Variants in NEGR1 observed in about 807,000 individuals in gnomAD.
NEGR1 encodes IgLON family member 4.
NEGR1 carries 10 observed loss-of-function variants against 40.9 expected under a neutral mutation model. The observed-to-expected ratio is 0.24, with a 90% confidence interval of 0.15 to 0.42. The LOEUF is 0.42. Ranked by LOEUF, NEGR1 falls within the 10% of genes least tolerant of loss-of-function variation. The pLI, the probability that NEGR1 is intolerant of heterozygous loss-of-function variation, is 1.00. For synonymous variants in NEGR1, 185 were observed against 166.8 expected (o/e 1.11, Z -0.84); for missense variants, 352 against 438.9 (o/e 0.80, Z 1.77).
intron 6 of NEGR1, among the ~76,000 whole-genome samples, chr1:71,502,300 A>G (rs1162231506): frequency 6.6e-6 from 1 of 152,130 alleles, no homozygotes; most frequent in African/African-American, 2.4e-5. Flanking sequence ...GGATAATGAA[A>G]CTTAGGCAAC....
At chr1:71,602,483 C>G (rs1341503718) in intron 5 of NEGR1, among the ~76,000 whole-genome samples, 1 of 151,454 alleles carries the variant, frequency 6.6e-6, no homozygotes, top group Non-Finnish European at 1.5e-5. Flanking sequence ...GATCTCCTGA[C>G]CTCGTGATCC....
chr1:71,899,064 C>T (rs1661074662), intron 2 of NEGR1, among the ~76,000 whole-genome samples: 1 of 140,876 alleles, frequency 7.1e-6, no homozygotes, highest in South Asian at 2.2e-4. Flanking sequence ...ATGCCTAGGA[C>T]TTCCATGGAA....
chr1:71,602,990 G>A lies in NEGR1; in HGVS notation c.788+8036C>T, dbSNP rs186437090. Among the ~76,000 whole-genome samples the A allele has an allele frequency of 1.6e-3, 242 of 152,084 alleles. 2 individuals carry two copies. Among genetic ancestry groups the A allele is most frequent in the African/African-American group, 5.5e-3 (227 of 41,470 alleles). On this transcript the variant is annotated intron_variant, in intron 5 of 6. Coordinates refer to ENST00000357731, the MANE Select transcript of NEGR1 (RefSeq NM_173808.3). ...GTAAGAGTTGTACTGACACCACATT[G>A]GTTATTAAAAGAAATATAATCAAAT...
At chr1:71,764,964 A>G (rs1044164288) in intron 3 of NEGR1, among the ~76,000 whole-genome samples, 4 of 152,110 alleles carry the variant, frequency 2.6e-5, no homozygotes, top group Admixed American at 6.5e-5. Context: ...AAAACCAGTG[A>G]TGACCAGCTC....
intron 4 of NEGR1, among the ~76,000 whole-genome samples, chr1:71,681,426 C>T (rs1652834159): frequency 6.6e-6 from 1 of 152,164 alleles, no homozygotes; most frequent in Non-Finnish European, 1.5e-5. Flanking sequence ...TACTATGATT[C>T]TGTCTTCTGG....
intron 2 of NEGR1, among the ~76,000 whole-genome samples, chr1:71,885,046 G>C (rs1160199126): frequency 6.6e-6 from 1 of 152,184 alleles, no homozygotes; most frequent in East Asian, 1.9e-4. Flanking sequence ...CTATAGAAGT[G>C]TTGAGTTTTT....
chr1:72,231,283 T>C (rs1199636561), intron 1 of NEGR1, among the ~76,000 whole-genome samples: 1 of 152,172 alleles, frequency 6.6e-6, no homozygotes, highest in African/African-American at 2.4e-5. Context: ...TGATTTTTCC[T>C]CCTCTTTACA....
Position 71,561,777 on chromosome 1 carries a change from G to C in NEGR1, c.940+31040C>G, listed in dbSNP as rs1288646825. Among the ~76,000 whole-genome samples, 2 of 151,562 alleles carry C rather than the reference G, an allele frequency of 1.3e-5. 1 individual carries two copies. The highest frequency in any genetic ancestry group is 3.9e-4 in the East Asian group (2 of 5,134). Reference sequence around the variant, plus strand: ...TTTTTGGGGTTGAGCAGATGGCTTAGGTGTCCTTTTAGTATCTGCTCTGCC... The same window carrying C: ...TTTTTGGGGTTGAGCAGATGGCTTACGTGTCCTTTTAGTATCTGCTCTGCC... On this transcript the variant is annotated intron_variant, in intron 6 of 6. Transcript: ENST00000357731.
chr1:71,562,983 T>G (rs867482332), intron 6 of NEGR1, among the ~76,000 whole-genome samples: 1 of 151,994 alleles, frequency 6.6e-6, no homozygotes, highest in African/African-American at 2.4e-5. Context: ...GCTATTTCAT[T>G]GGCCAAAGCA....
At chr1:72,231,520 C>G (rs1362629154) in intron 1 of NEGR1, among the ~76,000 whole-genome samples, 1 of 152,140 alleles carries the variant, frequency 6.6e-6, no homozygotes, top group Non-Finnish European at 1.5e-5. Context: ...AGTGTACTTA[C>G]AACTATAGTA....
At chr1:71,443,433 T>C (rs1646561264) in intron 6 of NEGR1, among the ~76,000 whole-genome samples, 1 of 152,262 alleles carries the variant, frequency 6.6e-6, no homozygotes, top group Non-Finnish European at 1.5e-5. Flanking sequence ...CTTTTTGTTA[T>C]ATCCACTTTT....
At chr1:72,246,955 TTA>T (rs1174928185) in intron 1 of NEGR1, among the ~76,000 whole-genome samples, 4 of 152,378 alleles carry the variant, frequency 2.6e-5, no homozygotes, top group Middle Eastern at 3.4e-3. Flanking sequence ...CCGCCAAGGC[TTA>T]TGTCTTGCAT....
chr1:71,822,680 T>C (rs1440025217), intron 2 of NEGR1, among the ~76,000 whole-genome samples: 1 of 151,982 alleles, frequency 6.6e-6, no homozygotes, highest in Non-Finnish European at 1.5e-5. Context: ...TTATTCTCAC[T>C]GGAATAGATT....
At chr1:72,068,391 T>C (rs1047505925) in intron 1 of NEGR1, among the ~76,000 whole-genome samples, 10 of 152,284 alleles carry the variant, frequency 6.6e-5, no homozygotes, top group African/African-American at 2.4e-4. Flanking sequence ...CATTACCATA[T>C]GCTTATAAAA....
At chr1:71,766,003 G>A (rs1256886227) in intron 3 of NEGR1, among the ~76,000 whole-genome samples, 1 of 152,012 alleles carries the variant, frequency 6.6e-6, no homozygotes, top group African/African-American at 2.4e-5. Context: ...GTGAAACCCC[G>A]TCTCCACTAA....
intron 1 of NEGR1, among the ~76,000 whole-genome samples, chr1:72,245,428 AT>A (rs1654872083): frequency 6.6e-6 from 1 of 152,070 alleles, no homozygotes; most frequent in South Asian, 2.1e-4. Context: ...TGCATATTCT[AT>A]TCAACTTCTG....
intron 2 of NEGR1, among the ~76,000 whole-genome samples, chr1:71,832,489 T>C (rs1658875982): frequency 6.6e-6 from 1 of 151,970 alleles, no homozygotes; most frequent in Non-Finnish European, 1.5e-5. Flanking sequence ...AGAGTGAGGG[T>C]CAGCTCTGAT....
chr1:72,219,805 A>G (rs776533768), intron 1 of NEGR1, among the ~76,000 whole-genome samples: 31 of 152,146 alleles, frequency 2.0e-4, no homozygotes, highest in Non-Finnish European at 2.8e-4. Flanking sequence ...TAAAGTTTAC[A>G]AACCAGCTAA....
intron 1 of NEGR1, among the ~76,000 whole-genome samples, chr1:72,179,071 C>G (rs1652272727): frequency 6.6e-6 from 1 of 151,910 alleles, no homozygotes; most frequent in East Asian, 1.9e-4. Flanking sequence ...ATCATGACGT[C>G]TCTGCCTGAG....
Sources: gnomAD v4.1 joint callset for allele counts (sites outside exome capture counted in the v4.1 genomes callset) on GRCh38, gnomAD v4.1.1 for gene constraint, MANE v1.5 for transcripts, NCBI Gene and HGNC (gene_info 2026-07-23, HGNC 2026-07-21) for gene names.